The following BBS9 variants were observed in gnomAD, a reference collection of about 807,000 sequenced individuals.
BBS9 encodes the protein Bardet-Biedl syndrome 9, also known as protein PTHB1.
BBS9 carries 89 observed loss-of-function variants against 117.7 expected under a neutral mutation model. That is an observed-to-expected ratio of 0.76 (90% confidence interval 0.64 to 0.90). BBS9 has a LOEUF of 0.90. Ranked by LOEUF, BBS9 falls within the 40% of genes least tolerant of loss-of-function variation. The pLI is 0.00. For synonymous variants in BBS9, 379 were observed against 370.9 expected (o/e 1.02, Z -0.25); for missense variants, 982 against 1,042.2 (o/e 0.94, Z 0.80).
chr7:33,441,648 A>C (rs920944387), intron 19 of BBS9, among the ~76,000 whole-genome samples: 1 of 152,196 alleles, frequency 6.6e-6, no homozygotes, highest in Non-Finnish European at 1.5e-5. Flanking sequence ...TCTCTATTAA[A>C]TCAGGAAGTT....
intron 4 of BBS9, among the ~76,000 whole-genome samples, chr7:33,166,738 A>G (rs1017403235): frequency 2.0e-5 from 3 of 152,196 alleles, no homozygotes; most frequent in Non-Finnish European, 2.9e-5. Flanking sequence ...ACTGTTGGAA[A>G]AGGGCAGTAT....
chr7:33,586,028 T>C (rs1860828233), intron 21 of BBS9, among the ~76,000 whole-genome samples: 1 of 151,962 alleles, frequency 6.6e-6, no homozygotes. Context: ...TTATATAAGG[T>C]TTTATTTACT....
intron 5 of BBS9, among the ~76,000 whole-genome samples, chr7:33,183,797 G>T (rs1263025987): frequency 6.6e-6 from 1 of 152,114 alleles, no homozygotes; most frequent in Non-Finnish European, 1.5e-5. Flanking sequence ...AACAAGACAA[G>T]CGGGGAACCT....
At chr7:33,609,190 G>T (rs543169569), downstream of BBS9, among the ~76,000 whole-genome samples, 3 of 152,068 alleles carry the variant, frequency 2.0e-5, no homozygotes, top group South Asian at 4.1e-4. Context: ...TTATTGCTGG[G>T]TTCACTATTT....
At position 33,605,524 on chromosome 7, in the gene BBS9, T is replaced by G; in HGVS notation, c.*298T>G. 2.4e-6 allele frequency: 1 copy of G among 415,616 alleles called. No homozygotes were observed. The highest frequency in any genetic ancestry group is 4.4e-6 in the Non-Finnish European group (1 of 228,596). The allele number at this position is 415,616 out of a possible 1,614,324, so 25.7% of individuals were successfully genotyped here. A position where few individuals can be genotyped will look rare whatever the true frequency, so the allele number is the denominator to read the frequency against. The stretch of plus-strand genomic sequence containing the variant: ...TGAAATGACATAGTTTTGGGTTAGA[T>G]TTTATAATGCAAAGATTCAGATCCA... On this transcript the variant is annotated 3_prime_UTR_variant, in exon 23 of 23. Transcript: ENST00000242067.
chr7:33,550,260 G>A (rs1227902544), intron 21 of BBS9, among the ~76,000 whole-genome samples: 1 of 152,000 alleles, frequency 6.6e-6, no homozygotes, highest in African/African-American at 2.4e-5. Context: ...GTAAATTTGT[G>A]AATATTATTA....
At chr7:33,446,586 T>A (rs1288395117) in intron 19 of BBS9, among the ~76,000 whole-genome samples, 1 of 152,132 alleles carries the variant, frequency 6.6e-6, no homozygotes, top group Non-Finnish European at 1.5e-5. Flanking sequence ...TTATTTAAAG[T>A]TGGAAGCTTG....
chr7:33,564,499 A>C (rs1011268363), intron 21 of BBS9, among the ~76,000 whole-genome samples: 1 of 152,228 alleles, frequency 6.6e-6, no homozygotes, highest in African/African-American at 2.4e-5. Context: ...GGACTGATCA[A>C]GATAATGCAT....
At chr7:33,334,480 C>A (rs113243886) in intron 9 of BBS9, among the ~76,000 whole-genome samples, 2 of 152,026 alleles carry the variant, frequency 1.3e-5, no homozygotes, top group African/African-American at 2.4e-5. Flanking sequence ...AGCTAGAATG[C>A]GGAACAGACT....
At chr7:33,623,705 A>G (rs1037265536) in intron 21 of BBS9, among the ~76,000 whole-genome samples, 1 of 152,220 alleles carries the variant, frequency 6.6e-6, no homozygotes, top group Non-Finnish European at 1.5e-5. Context: ...AATTAAAGCT[A>G]CAAGGATTAA....
chr7:33,499,865 A>G (rs6951068), intron 19 of BBS9, among the ~76,000 whole-genome samples: 2,244 of 152,332 alleles, frequency 0.015, 63 homozygotes, highest in African/African-American at 0.052. Context: ...AATGTTGACA[A>G]TTATTATCAC....
At chr7:33,196,825 T>C (rs1316454929) in intron 5 of BBS9, among the ~76,000 whole-genome samples, 2 of 152,184 alleles carry the variant, frequency 1.3e-5, no homozygotes. Flanking sequence ...ATTTATAAAA[T>C]CTCTGGTCCA....
At chr7:33,509,775 A>G (rs1846656303) in intron 20 of BBS9, among the ~76,000 whole-genome samples, 1 of 152,236 alleles carries the variant, frequency 6.6e-6, no homozygotes, top group African/African-American at 2.4e-5. Flanking sequence ...TTTCTCCCTA[A>G]TGACATCAGG....
At chr7:33,541,517 G>T (rs1250428881) in intron 21 of BBS9, among the ~76,000 whole-genome samples, 1 of 152,040 alleles carries the variant, frequency 6.6e-6, no homozygotes, top group African/African-American at 2.4e-5. Flanking sequence ...ACTATTTGTA[G>T]CAGTATTATA....
chr7:33,331,602 T>C (rs1814060234), intron 9 of BBS9, among the ~76,000 whole-genome samples: 1 of 148,490 alleles, frequency 6.7e-6, no homozygotes, highest in East Asian at 2.0e-4. Context: ...AGCACTGCTA[T>C]ACACTAACAA....
At chr7:33,444,700 A>G (rs960755508) in intron 19 of BBS9, among the ~76,000 whole-genome samples, 1 of 152,226 alleles carries the variant, frequency 6.6e-6, no homozygotes, top group Non-Finnish European at 1.5e-5. Flanking sequence ...GTCAAGGCTT[A>G]GTGATCTTAA....
chr7:33,605,137 T>C, intron 22 of BBS9, 58 bp from the exon 23 acceptor site: 1 of 1,543,074 alleles, frequency 6.5e-7, no homozygotes, highest in Non-Finnish European at 9.0e-7. Context: ...CCTTTGTGTA[T>C]TCCTGTCACT....
At chr7:33,291,224 T>C (rs1308949342) in intron 9 of BBS9, among the ~76,000 whole-genome samples, 1 of 152,162 alleles carries the variant, frequency 6.6e-6, no homozygotes, top group Non-Finnish European at 1.5e-5. Context: ...ACAGTTCTCA[T>C]AGTAATTTTG....
intron 5 of BBS9, among the ~76,000 whole-genome samples, chr7:33,189,821 G>GGCTGCAGTGAGCCGAGATCGAGCC: frequency 6.6e-6 from 1 of 151,146 alleles, no homozygotes; most frequent in East Asian, 2.0e-4. Context: ...AGGAGGCAGA[G>GGCTGCAGTGAGCCGAGATCGAGCC]GCTGCAGTGA....
Sources: allele counts gnomAD v4.1 joint callset (sites outside exome capture counted in the v4.1 genomes callset), GRCh38; gene constraint gnomAD v4.1.1; transcripts MANE v1.5; gene names NCBI Gene and HGNC (gene_info 2026-07-23, HGNC 2026-07-21).